The following UTP20 variants were observed in gnomAD, a reference collection of about 807,000 sequenced individuals.
The protein encoded by UTP20 is small subunit processome component 20 homolog.
UTP20 carries 164 observed loss-of-function variants against 329.5 expected under a neutral mutation model. The ratio of observed to expected loss-of-function variants is 0.50; its 90% CI spans 0.44 to 0.57. UTP20 has a LOEUF of 0.57. UTP20 is among the 20% of genes least tolerant of loss of function. UTP20 has a pLI of 0.00. For missense variants in UTP20, 3,055 were observed against 3,284.2 expected (o/e 0.93, Z 1.71); for synonymous variants, 1,151 against 1,159.3 (o/e 0.99, Z 0.14).
Position 101,374,128 on chromosome 12 carries a change from G to C in UTP20, c.7131+361G>C, listed in dbSNP as rs1870395218. On this transcript the variant is annotated intron_variant, in intron 54 of 61. Coordinates refer to ENST00000261637, the MANE Select transcript of UTP20 (RefSeq NM_014503.3). ...CGGGCGCCTGTAGTCCCAGCTACTT[G>C]GGAGGCTGAGGCAGGAGAATGGCGT... Among the ~76,000 whole-genome samples, 3 of 150,318 alleles carry C rather than the reference G, an allele frequency of 2.0e-5. No individual in the cohort carries two copies. The South Asian group carries it at 6.3e-4, about 31-fold the overall frequency.
At chr12:101,301,690 A>T (rs972308918) in intron 14 of UTP20, among the ~76,000 whole-genome samples, 3 of 152,128 alleles carry the variant, frequency 2.0e-5, no homozygotes, top group African/African-American at 7.2e-5. Flanking sequence ...TAAATAAATA[A>T]TATCATTAAT....
At chr12:101,291,130 C>T in intron 8 of UTP20, 1 of 356,768 alleles carries the variant, frequency 2.8e-6, no homozygotes, top group Non-Finnish European at 4.9e-6. Context: ...TTGACCCTTC[C>T]ACTTACTGCT....
At chr12:101,306,948 C>T (rs1029542567) in intron 17 of UTP20, among the ~76,000 whole-genome samples, 187 bp downstream of exon 17, 7 of 151,982 alleles carry the variant, frequency 4.6e-5, no homozygotes, top group Admixed American at 1.3e-4. Context: ...CCGAGGCGGG[C>T]GGATCACAAG....
intron 29 of UTP20, among the ~76,000 whole-genome samples, 157 bp downstream of exon 29, chr12:101,334,661 A>G (rs1593437472): frequency 6.6e-6 from 1 of 152,362 alleles, no homozygotes; most frequent in East Asian, 1.9e-4. Flanking sequence ...AAAAGCAAGG[A>G]AAGATCTCAA....
intron 27 of UTP20, among the ~76,000 whole-genome samples, chr12:101,331,644 A>G (rs1028945435): frequency 6.6e-6 from 1 of 152,188 alleles, no homozygotes; most frequent in Non-Finnish European, 1.5e-5. Flanking sequence ...TGTCTGTCAG[A>G]TTATCAGATT....
In UTP20 at chr12:101,321,610, C is replaced by G. The variant is rs1868375695; in HGVS notation, c.3022C>G (p.Leu1008Val). ...AVVKTAHRAD[L>V]FPILMRILYG... ...AGTGAAAACAGCCCACCGAGCAGAT[C>G]TATTTCCTATTCTGATGAGGTATTT... Residue 1008 changes from leucine (L) to valine (V), a missense_variant, in exon 25 of 62, where the codon CTA (leucine) becomes GTA (valine). Physicochemically the swap from Leu to Val is conservative, Grantham distance 32. This residue lies in a region of UTP20 where 2,445 missense variants were observed against 2,575.5 expected (regional missense o/e 0.95). Transcript: ENST00000261637. The G allele has an allele frequency of 6.2e-7, 1 of 1,613,476 alleles. No individual in the cohort carries two copies. Among genetic ancestry groups the G allele is most frequent in the Non-Finnish European group, 8.5e-7 (1 of 1,179,684 alleles).
chr12:101,285,500 A>T (rs1231371744), intron 2 of UTP20, 70 bp from the exon 3 acceptor site: 1 of 1,478,614 alleles, frequency 6.8e-7, no homozygotes, highest in South Asian at 1.2e-5. Flanking sequence ...TTAATATATC[A>T]TTATTCTATT....
Position 101,295,631 on chromosome 12 carries a change from C to T in UTP20, c.1403C>T (p.Pro468Leu). The T allele has an allele frequency of 6.2e-7, 1 of 1,608,720 alleles. No homozygotes were observed. The highest frequency in any genetic ancestry group is 8.5e-7 in the Non-Finnish European group (1 of 1,176,418). ...TAGSMAIEKYPLVFSPQMVGF... is the reference protein window; with the variant it reads ...TAGSMAIEKYLLVFSPQMVGF... ...GGCTCGATGGCAATTGAAAAGTACC[C>T]TCTGGTTTTCTCACCGCAGATGGTG... The change falls in exon 12 of 62, where the codon CCT becomes CTT. Residue 468 changes from proline to leucine, a missense_variant. Around this residue, in one of 3 missense-constraint regions of UTP20, gnomAD observed 2,445 missense variants for 2,575.5 expected, o/e 0.95. Coordinates refer to ENST00000261637, the MANE Select transcript of UTP20 (RefSeq NM_014503.3).
At chr12:101,285,347 T>C (rs1015351697) in intron 2 of UTP20, among the ~76,000 whole-genome samples, 1 of 152,178 alleles carries the variant, frequency 6.6e-6, no homozygotes, top group Non-Finnish European at 1.5e-5. Flanking sequence ...CAGAAAATTA[T>C]TTGCTGAAAC....
chr12:101,293,209 T>C lies in UTP20; in HGVS notation c.1215T>C (p.Phe405=). 6.2e-7 allele frequency: 1 copy of C among 1,614,148 alleles called. No individual in the cohort carries two copies. The highest frequency in any genetic ancestry group is 1.1e-5 in the South Asian group (1 of 91,084). ...TTGAAAAACGTTTAATTTTCAGTTT[T>C]TCTGAAGTCATGTTTGCCATGAAGC... is the stretch of plus-strand genomic sequence containing the variant. ...SRFEKRLIFS[F]SEVMFAMKQF... The change falls in exon 11 of 62, where the codon TTT becomes TTC. Residue 405 remains phenylalanine (F), a synonymous_variant. Transcript: ENST00000261637.
At chr12:101,363,553 C>T in intron 44 of UTP20, 23 bp from the exon 45 acceptor site, 1 of 1,604,310 alleles carries the variant, frequency 6.2e-7, no homozygotes, top group Non-Finnish European at 8.5e-7. Context: ...ATATAATTGC[C>T]ATTTGTCCTT....
At chr12:101,328,595 A>G (rs1224747870) in intron 26 of UTP20, among the ~76,000 whole-genome samples, 1 of 152,178 alleles carries the variant, frequency 6.6e-6, no homozygotes, top group East Asian at 1.9e-4. Flanking sequence ...AGGACCAGGC[A>G]TAGTGGCTCA....
intron 17 of UTP20, among the ~76,000 whole-genome samples, chr12:101,307,148 A>G (rs1421394811): frequency 1.3e-5 from 2 of 150,488 alleles, no homozygotes; most frequent in African/African-American, 4.9e-5. Context: ...ACTGCACTCC[A>G]GCCTGGGCGA....
intron 15 of UTP20, among the ~76,000 whole-genome samples, 190 bp downstream of exon 15, chr12:101,302,743 G>A (rs772413831): frequency 5.9e-5 from 9 of 152,190 alleles, no homozygotes; most frequent in Admixed American, 2.0e-4. Flanking sequence ...TTTAAATACA[G>A]ATTCATCTTT....
At chr12:101,311,291 A>G (rs1872782298) in intron 19 of UTP20, among the ~76,000 whole-genome samples, 1 of 152,152 alleles carries the variant, frequency 6.6e-6, no homozygotes, top group Non-Finnish European at 1.5e-5. Flanking sequence ...TCATGTAGTT[A>G]GTGAATGTTT....
chr12:101,282,183 T>C (rs1871822857), intron 2 of UTP20, among the ~76,000 whole-genome samples: 3 of 152,192 alleles, frequency 2.0e-5, no homozygotes, highest in Admixed American at 2.0e-4. Context: ...CTGTGTAAAT[T>C]CAATGTGTTA....
intron 21 of UTP20, among the ~76,000 whole-genome samples, chr12:101,316,015 C>G (rs974569290): frequency 7.9e-5 from 12 of 152,184 alleles, no homozygotes; most frequent in Middle Eastern, 3.2e-3. Flanking sequence ...CATGGATTAC[C>G]TATAAATAAT....
At position 101,355,242 on chromosome 12, in the gene UTP20, A is replaced by G. The variant is rs1869682088; in HGVS notation, c.5394+124A>G. On this transcript the variant is annotated intron_variant, in intron 41 of 61. Coordinates refer to ENST00000261637, the MANE Select transcript of UTP20 (RefSeq NM_014503.3). ...CTTTTAGATTTCCTTTTATCTCAAC[A>G]CTTCACAATTCACCCCTCTACTCTT... The G allele has an allele frequency of 6.3e-6, 7 of 1,116,388 alleles. No individual in the cohort carries two copies. In the South Asian group the frequency reaches 1.1e-4, roughly 18 times the overall value. The allele number at this position is 1,116,388 out of a possible 1,614,324, so 69.2% of individuals were successfully genotyped here.
At chr12:101,362,379 T>C (rs1869956682) in intron 44 of UTP20, among the ~76,000 whole-genome samples, 1 of 152,196 alleles carries the variant, frequency 6.6e-6, no homozygotes, top group Non-Finnish European at 1.5e-5. Flanking sequence ...ACAGGAGCTT[T>C]ATTTATAATA....
Sources: allele counts gnomAD v4.1 joint callset (sites outside exome capture counted in the v4.1 genomes callset), GRCh38; gene constraint gnomAD v4.1.1; regional missense constraint gnomAD v4.1.1; transcripts MANE v1.5; gene names NCBI Gene and HGNC (gene_info 2026-07-23, HGNC 2026-07-21).